The following COL20A1 variants were observed in gnomAD, a reference collection of about 807,000 sequenced individuals.
COL20A1 encodes the protein collagen type XX alpha 1 chain.
A neutral mutation model predicts 152.9 loss-of-function variants in COL20A1; 164 were observed. The ratio of observed to expected loss-of-function variants is 1.07; its 90% CI spans 0.94 to 1.22. The LOEUF (loss-of-function observed/expected upper bound fraction) is 1.22. COL20A1 is among the 50% of genes most tolerant of loss of function. The probability of loss-of-function intolerance (pLI) is 0.00; values close to 1 mark genes in which losing one functional copy is unlikely to be tolerated. For synonymous variants in COL20A1, 864 were observed against 756.0 expected, an observed-to-expected ratio of 1.14 and a Z score of -2.34; for missense variants, 1,873 against 1,744.8, an observed-to-expected ratio of 1.07 and a Z score of -1.31.
At chr20:63,327,766 C>A in intron 31 of COL20A1, 186 bp from the exon 32 acceptor site, 1 of 621,920 alleles carries the variant, frequency 1.6e-6, no homozygotes, top group Non-Finnish European at 2.8e-6. Context: ...CTCTCACATG[C>A]CTGCTCTCGG....
Position 63,310,411 on chromosome 20 carries a change from G to T in COL20A1, c.1294G>T (p.Glu432Ter). 6.2e-7 allele frequency: 1 copy of T among 1,610,984 alleles called. No homozygotes were observed. Among genetic ancestry groups the T allele is most frequent in the South Asian group, 1.1e-5 (1 of 90,516 alleles). The change falls in exon 11 of 36, where the codon GAG becomes TAG. Residue 432 changes from glutamate to a stop codon, truncating the protein, a stop_gained. Coordinates refer to ENST00000358894, the MANE Select transcript of COL20A1 (RefSeq NM_020882.4). LOFTEE classifies it high-confidence loss of function. ...GGTGGAGGGACCCGCCGCCTCCACG[G>T]AGCTGCACAACCTGGCCTCCCGCAC... The part of the protein sequence containing the change: ...VVVEGPAAST[E>*]LHNLASRTEY...
Position 63,319,475 on chromosome 20 carries a change from C to T in COL20A1, c.2807-12C>T. The stretch of plus-strand genomic sequence containing the variant: ...CAGCCCGTTCTCACCTGCTCCACCC[C>T]TTCCCTGGCAGCCGGGAAGAAGTCC... On this transcript the variant is annotated splice_polypyrimidine_tract_variant and intron_variant, in intron 22 of 35. Transcript: ENST00000358894. The surrounding 1 kb of genome is among the most constrained non-coding windows in gnomAD (Gnocchi z 4.4). 6.4e-7 allele frequency: 1 copy of T among 1,556,578 alleles called. No individual in the cohort carries two copies. The highest frequency in any genetic ancestry group is 8.7e-7 in the Non-Finnish European group (1 of 1,149,658).
Position 63,312,513 on chromosome 20 carries a change from G to C in COL20A1, c.1897G>C (p.Gly633Arg), listed in dbSNP as rs2068022707. The change falls in exon 15 of 36, where the codon GGT (glycine) becomes CGT (arginine). Residue 633 changes from glycine (G) to arginine (R), a missense_variant. Coordinates refer to ENST00000358894, the MANE Select transcript of COL20A1 (RefSeq NM_020882.4). ...TVRVTCLYPGGGSSTLTGRVT... is the reference protein window; with the variant it reads ...TVRVTCLYPGRGSSTLTGRVT... ...CCGTGTCACCTGCCTCTACCCTGGG[G>C]GTGGCTCCTCTACGCTGACTGGCCG... is the stretch of plus-strand genomic sequence containing the variant. 1.2e-6 allele frequency: 2 copies of C among 1,607,426 alleles called. No individual in the cohort carries two copies. Among genetic ancestry groups the C allele is most frequent in the Admixed American group, 1.7e-5 (1 of 59,700 alleles).
intron 3 of COL20A1, among the ~76,000 whole-genome samples, chr20:63,300,558 A>G (rs933655396): frequency 6.6e-6 from 1 of 152,112 alleles, no homozygotes; most frequent in African/African-American, 2.4e-5. Context: ...CATTCCCGTT[A>G]TTGATTGAAT....
In COL20A1 at chr20:63,309,450, G is replaced by GT. The variant is rs1321395688; in HGVS notation, c.1059dup (p.Leu354SerfsTer62). The stretch of plus-strand genomic sequence containing the variant: ...GGCGCGCTGGCTGGCCTGCTCAGCC[G>GT]TCTCATCTGCCAGAGGCTCCAGGGT... On this transcript the variant is annotated frameshift_variant, in exon 9 of 36. Coordinates refer to ENST00000358894, the MANE Select transcript of COL20A1 (RefSeq NM_020882.4). LOFTEE classifies it high-confidence loss of function. 1.3e-6 allele frequency: 2 copies of GT among 1,539,570 alleles called. No homozygotes were observed. Among genetic ancestry groups the GT allele is most frequent in the Non-Finnish European group, 1.8e-6 (2 of 1,139,920 alleles).
rs748175142 is a variant in COL20A1, at chr20:63,328,469, G to T, written c.3752G>T (p.Gly1251Val). ...AAGGCCCTGGTTCCTGGAGAATGGG[G>T]GCGTGGTGGCCGCCACCTTGAGGGC... ...RSKALVPGEW[G>V]RGGRHLEGRG... Residue 1251 changes from glycine to valine, a missense_variant, in exon 34 of 36, where the codon GGG becomes GTG. Gly to Val is a moderately radical substitution (Grantham distance 109). Transcript: ENST00000358894. 1.2e-6 allele frequency: 2 copies of T among 1,612,200 alleles called. No homozygotes were observed. Among genetic ancestry groups the T allele is most frequent in the Non-Finnish European group, 1.7e-6 (2 of 1,179,492 alleles).
chr20:63,334,279 G>T lies in COL20A1; in HGVS notation c.*3563G>T, dbSNP rs929002716. The stretch of plus-strand genomic sequence containing the variant: ...CACCCATGACTCCACAGTAATTCAT[G>T]GGTTAAAGAGAAAAAAGGAAACGTG... On this transcript the variant is annotated 3_prime_UTR_variant, in exon 36 of 36. Transcript: ENST00000358894. 1 of 152,232 alleles carries T rather than the reference G, an allele frequency of 6.6e-6. No individual in the cohort carries two copies. Among genetic ancestry groups the T allele is most frequent in the Non-Finnish European group, 1.5e-5 (1 of 68,054 alleles). 9.4% of individuals were successfully genotyped at this position (152,232 alleles called of 1,614,324 possible). A position where few individuals can be genotyped will look rare whatever the true frequency, so the allele number is the denominator to read the frequency against.
At chr20:63,315,516 T>C in intron 20 of COL20A1, 77 bp downstream of exon 20, 1 of 1,330,344 alleles carries the variant, frequency 7.5e-7, no homozygotes, top group Non-Finnish European at 1.0e-6. Flanking sequence ...GCCAAGGGTG[T>C]CGTGACCTGG....
In COL20A1 at chr20:63,311,499, G is replaced by A. The variant is rs770876550; in HGVS notation, c.1499G>A (p.Cys500Tyr). 37 of 1,584,642 alleles carry A rather than the reference G, an allele frequency of 2.3e-5. No individual in the cohort carries two copies. The highest frequency in any genetic ancestry group is 3.1e-5 in the Non-Finnish European group (36 of 1,165,954). The change falls in exon 12 of 36, where the codon TGT becomes TAT. Residue 500 changes from cysteine to tyrosine, a missense_variant. Physicochemically the swap from Cys to Tyr is radical, Grantham distance 194. Transcript: ENST00000358894. The surrounding 1 kb of genome is among the most constrained non-coding windows in gnomAD (Gnocchi z 4.4). ...GGGGCCACCCACTACCTGGTGCGAT[G>A]TTCTCCTGCTTCCCCCAAGGGTGAA... ...SAGATHYLVR[C>Y]SPASPKGEEE... is the part of the protein sequence containing the mutation.
chr20:63,296,946 G>A (rs956033592), intron 2 of COL20A1, among the ~76,000 whole-genome samples: 12 of 152,240 alleles, frequency 7.9e-5, no homozygotes, highest in African/African-American at 2.6e-4. Flanking sequence ...GCAGAGCCCC[G>A]GAAGCTTTCA....
chr20:63,307,607 T>C lies in COL20A1; in HGVS notation c.614T>C (p.Val205Ala). ...FQQVKDFLAS[V>A]IAPFEIGPDK... is the part of the protein sequence containing the mutation. ...CAGGTCAAGGACTTCCTGGCCAGTG[T>C]CATCGCACCCTTTGAAATCGGGCCG... The change falls in exon 6 of 36, where the codon GTC (valine) becomes GCC (alanine). Residue 205 changes from valine (V) to alanine (A), a missense_variant. Transcript: ENST00000358894. The C allele has an allele frequency of 1.2e-6, 2 of 1,612,606 alleles. No homozygotes were observed. Among genetic ancestry groups the C allele is most frequent in the Non-Finnish European group, 1.7e-6 (2 of 1,179,734 alleles).
intron 20 of COL20A1, 105 bp downstream of exon 20, chr20:63,315,544 G>A (rs1203721936): frequency 3.8e-6 from 4 of 1,059,410 alleles, no homozygotes; most frequent in Non-Finnish European, 5.4e-6. Context: ...TGGTGGTGCA[G>A]TTGGAGGATG....
In COL20A1 at chr20:63,305,702, G is replaced by A; in HGVS notation, c.337+142G>A. On this transcript the variant is annotated intron_variant, in intron 4 of 35. Transcript: ENST00000358894. The surrounding 1 kb of genome is among the most constrained non-coding windows in gnomAD (Gnocchi z 4.9). ...TGAAGCAGTTCTGGGCTGTGCTAGG[G>A]GCAGGTTCAAGTCCCGACTCACCAG... The A allele has an allele frequency of 8.6e-7, 1 of 1,168,296 alleles. No homozygotes were observed. Among genetic ancestry groups the A allele is most frequent in the Non-Finnish European group, 1.2e-6 (1 of 836,742 alleles). 72.4% of individuals were successfully genotyped at this position (1,168,296 alleles called of 1,614,324 possible). A position where few individuals can be genotyped will look rare whatever the true frequency, so the allele number is the denominator to read the frequency against.
At position 63,319,314 on chromosome 20, in the gene COL20A1, C is replaced by A. The variant is rs79792616; in HGVS notation, c.2806+114C>A. The A allele has an allele frequency of 8.6e-3, 10,724 of 1,243,574 alleles. 98 individuals carry two copies. Among genetic ancestry groups the A allele is most frequent in the African/African-American group, 0.036 (2,375 of 66,388 alleles). 77.0% of individuals were successfully genotyped at this position (1,243,574 alleles called of 1,614,324 possible). On this transcript the variant is annotated intron_variant, in intron 22 of 35. Transcript: ENST00000358894. This position sits in a 1 kb window ranked among gnomAD's most constrained non-coding sequence, Gnocchi z 4.4. The stretch of plus-strand genomic sequence containing the variant: ...AGCCTCCAGGCCAGGCCCTCAGCAC[C>A]CTCTGGGTGGGAGGCAGGTGTCCCG...
intron 1 of COL20A1, among the ~76,000 whole-genome samples, chr20:63,294,802 G>T (rs890905628): frequency 3.9e-5 from 6 of 152,240 alleles, no homozygotes; most frequent in Admixed American, 3.9e-4. Flanking sequence ...GGGGACAACT[G>T]GGGGCTGGGG....
In COL20A1 at chr20:63,311,527, G is replaced by A; in HGVS notation, c.1527G>A (p.Glu509=). 6.3e-7 allele frequency: 1 copy of A among 1,595,094 alleles called. No homozygotes were observed. Among genetic ancestry groups the A allele is most frequent in the Non-Finnish European group, 8.5e-7 (1 of 1,171,712 alleles). ...RCSPASPKGE[E]EEREVQVGRP... ...CTCCTGCTTCCCCCAAGGGTGAAGA[G>A]GAGGAGCGAGAGGTGAGCTGGGCCG... Residue 509 remains glutamate, a synonymous_variant, in exon 12 of 36, where the codon GAG becomes GAA. Coordinates refer to ENST00000358894, the MANE Select transcript of COL20A1 (RefSeq NM_020882.4). The surrounding 1 kb of genome is among the most constrained non-coding windows in gnomAD (Gnocchi z 4.4).
chr20:63,316,643 C>A lies in COL20A1; in HGVS notation c.2615C>A (p.Thr872Asn). The A allele has an allele frequency of 6.3e-7, 1 of 1,577,098 alleles. No homozygotes were observed. Among genetic ancestry groups the A allele is most frequent in the Non-Finnish European group, 8.6e-7 (1 of 1,162,152 alleles). ...VAMEPSAFGG[T>N]PTFTLFKDAQ... ...ATGGAGCCCTCTGCCTTCGGTGGGA[C>A]CCCGACCTTCACGCTCTTCAAGGAC... The change falls in exon 21 of 36, where the codon ACC becomes AAC. Residue 872 changes from threonine (T) to asparagine (N), a missense_variant. Coordinates refer to ENST00000358894, the MANE Select transcript of COL20A1 (RefSeq NM_020882.4).
In COL20A1 at chr20:63,312,493, T is replaced by A. The variant is rs909526211; in HGVS notation, c.1877T>A (p.Val626Asp). 1 of 1,608,654 alleles carries A rather than the reference T, an allele frequency of 6.2e-7. No homozygotes were observed. Among genetic ancestry groups the A allele is most frequent in the East Asian group, 2.2e-5 (1 of 44,816 alleles). ...TCCTCCACCACCTACACTGTCCGTG[T>A]CACCTGCCTCTACCCTGGGGGTGGC... ...LSSSTTYTVRVTCLYPGGGSS... is the reference protein window; with the variant it reads ...LSSSTTYTVRDTCLYPGGGSS... The change falls in exon 15 of 36, where the codon GTC becomes GAC. Residue 626 changes from valine to aspartate, a missense_variant. Val to Asp is a radical substitution (Grantham distance 152). Transcript: ENST00000358894.
rs1035168070 is a variant in COL20A1 at position 63,311,621 on chromosome 20, G to T, written c.1540-4G>T. The T allele has an allele frequency of 1.9e-6, 3 of 1,610,316 alleles. No individual in the cohort carries two copies. In the African/African-American group the frequency reaches 4.0e-5, roughly 21 times the overall value. On this transcript the variant is annotated splice_polypyrimidine_tract_variant and splice_region_variant and intron_variant, in intron 12 of 35. Coordinates refer to ENST00000358894, the MANE Select transcript of COL20A1 (RefSeq NM_020882.4). The surrounding 1 kb of genome is among the most constrained non-coding windows in gnomAD (Gnocchi z 4.4). Reference sequence around the variant, plus strand: ...GGCTGGCCTGGGACGTCATGTCTCTGCAGGTGCAGGTCGGGCGGCCCGAGG... The same window carrying T: ...GGCTGGCCTGGGACGTCATGTCTCTTCAGGTGCAGGTCGGGCGGCCCGAGG...
Sources: allele counts gnomAD v4.1 joint callset (sites outside exome capture counted in the v4.1 genomes callset), GRCh38; gene constraint gnomAD v4.1.1; non-coding constraint Gnocchi (gnomAD v3.1); transcripts MANE v1.5; gene names NCBI Gene and HGNC (gene_info 2026-07-23, HGNC 2026-07-21).